The following CDC7 variants were observed in gnomAD, a reference collection of about 807,000 sequenced individuals.
CDC7 encodes the protein cell division cycle 7, also known as cell division cycle 7-related protein kinase.
In CDC7, 34 loss-of-function variants were observed where a neutral mutation model predicts 53.5. The ratio of observed to expected loss-of-function variants is 0.64; its 90% CI spans 0.48 to 0.85. CDC7 has a LOEUF of 0.85. Among genes scored for constraint, CDC7 ranks in the 40% least tolerant of loss-of-function variants. The probability of loss-of-function intolerance (pLI) is 0.00; values close to 1 mark genes in which losing one functional copy is unlikely to be tolerated. For missense variants in CDC7, 594 were observed against 679.7 expected, an observed-to-expected ratio of 0.87 and a Z score of 1.40; for synonymous variants, 211 against 222.8, an observed-to-expected ratio of 0.95 and a Z score of 0.47.
At chr1:91,506,743 A>T (rs903587686) in intron 2 of CDC7, among the ~76,000 whole-genome samples, 1 of 152,148 alleles carries the variant, frequency 6.6e-6, no homozygotes, top group Non-Finnish European at 1.5e-5. Context: ...TGAGGTCAGG[A>T]GTTCAAGACC....
Position 91,511,683 on chromosome 1 carries a change from C to A in CDC7, c.422C>A (p.Ser141Ter), listed in dbSNP as rs747885913. The A allele has an allele frequency of 1.2e-6, 2 of 1,606,454 alleles. No individual in the cohort carries two copies. Among genetic ancestry groups the A allele is most frequent in the South Asian group, 2.2e-5 (2 of 90,126 alleles). The change falls in exon 5 of 12, where the codon TCG (serine) becomes TAG (stop). Residue 141 changes from serine to a stop codon, truncating the protein, a stop_gained. Transcript: ENST00000234626. LOFTEE classifies it high-confidence loss of function. ...VIAMPYLEHE[S>*]FLDILNSLSF... ...GCTATGCCATATCTGGAGCATGAGT[C>A]GTTTTTGGTAGGTTTTAATATTTCT...
At chr1:91,509,004 A>G (rs1043232258) in intron 4 of CDC7, among the ~76,000 whole-genome samples, 5 of 152,150 alleles carry the variant, frequency 3.3e-5, no homozygotes, top group African/African-American at 7.2e-5. Context: ...TATAGAGTCA[A>G]TCATTACTCT....
chr1:91,514,747 T>C lies in CDC7; in HGVS notation c.919-72T>C, dbSNP rs968906173. 40 of 1,193,048 alleles carry C rather than the reference T, an allele frequency of 3.4e-5. No individual in the cohort carries two copies. The African/African-American group carries it at 6.1e-4, about 18-fold the overall frequency. The allele number at this position is 1,193,048 out of a possible 1,614,324, so 73.9% of individuals were successfully genotyped here. A position where few individuals can be genotyped will look rare whatever the true frequency, so the allele number is the denominator to read the frequency against. On this transcript the variant is annotated intron_variant, in intron 8 of 11. Transcript: ENST00000234626. ...AAAGTTATGCTTCCGCTATTGCTTT[T>C]TGCCATACTAGCATTTTAGGACATC... is the stretch of plus-strand genomic sequence containing the variant.
At chr1:91,512,910 A>ATTTTTTTTTTTTTTTTTTTTTTTTTTTTT in intron 6 of CDC7, 148 bp from the exon 7 acceptor site, 1 of 686,184 alleles carries the variant, frequency 1.5e-6, no homozygotes. Context: ...TGGAAAACTT[A>ATTTTTTTTTTTTTTTTTTTTTTTTTTTTT]TTTTTTTTTC....
intron 6 of CDC7, among the ~76,000 whole-genome samples, chr1:91,512,830 AAAAGAAAATTTGATTGTGGG>A (rs1667352559): frequency 6.6e-6 from 1 of 152,184 alleles, no homozygotes; most frequent in Non-Finnish European, 1.5e-5. Flanking sequence ...GACCACTGGA[AAAAGAAAATTTGATTGTGGG>A]ACAACTCTTA....
At chr1:91,516,720 C>G (rs2102381414) in intron 10 of CDC7, among the ~76,000 whole-genome samples, 1 of 152,248 alleles carries the variant, frequency 6.6e-6, no homozygotes, top group Non-Finnish European at 1.5e-5. Context: ...GAGAAGTTAG[C>G]ATAGAGGCAT....
At chr1:91,523,498 TAGCAAAAGTAATAGTAGAACTCTC>T (rs1459488252) in intron 11 of CDC7, among the ~76,000 whole-genome samples, 1 of 152,108 alleles carries the variant, frequency 6.6e-6, no homozygotes, top group East Asian at 1.9e-4. Context: ...ATATATAGGA[TAGCAAAAGTAATAGTAGAACTCTC>T]AAGATACAGT....
rs751764174 is a variant in CDC7 at position 91,524,114 on chromosome 1, G to A, written c.1404G>A (p.Met468Ile). Residue 468 changes from methionine (M) to isoleucine (I), a missense_variant, in exon 12 of 12, where the codon ATG becomes ATA. Transcript: ENST00000234626. ...LRKLCERLRG[M>I]DSSTPKLTSD... ...AACTCTGTGAGAGACTCAGGGGTATGGATTCTAGCACTCCCAAGTTAACAA... is the reference window on the plus strand; with the variant it reads ...AACTCTGTGAGAGACTCAGGGGTATAGATTCTAGCACTCCCAAGTTAACAA... 3 of 1,613,682 alleles carry A rather than the reference G, an allele frequency of 1.9e-6. No individual in the cohort carries two copies. The African/African-American group carries it at 4.0e-5, about 22-fold the overall frequency.
At chr1:91,519,410 C>T (rs1667790133) in intron 10 of CDC7, among the ~76,000 whole-genome samples, 1 of 151,998 alleles carries the variant, frequency 6.6e-6, no homozygotes, top group Admixed American at 6.5e-5. Context: ...GTCTGGGCCA[C>T]AGAGGGAGAC....
intron 10 of CDC7, among the ~76,000 whole-genome samples, chr1:91,519,775 C>T (rs566918192): frequency 2.6e-5 from 4 of 152,278 alleles, no homozygotes; most frequent in East Asian, 3.9e-4. Flanking sequence ...GATTTTTTCC[C>T]ACATAGCTAT....
chr1:91,516,630 A>G (rs930434408), intron 10 of CDC7, among the ~76,000 whole-genome samples: 9 of 152,226 alleles, frequency 5.9e-5, no homozygotes, highest in African/African-American at 1.9e-4. Context: ...GTATTTAAGG[A>G]GTATCTAACT....
intron 10 of CDC7, among the ~76,000 whole-genome samples, chr1:91,517,744 C>A (rs1667641309): frequency 6.6e-6 from 1 of 152,048 alleles, no homozygotes. Flanking sequence ...GAATATCCGT[C>A]AGCACTTAAG....
chr1:91,523,698 G>A (rs140655484), intron 11 of CDC7, among the ~76,000 whole-genome samples: 21 of 152,280 alleles, frequency 1.4e-4, no homozygotes, highest in Middle Eastern at 3.4e-3. Flanking sequence ...TGGAAAGGAA[G>A]TAGAGTGGGG....
At chr1:91,513,908 G>A (rs1189032765) in intron 7 of CDC7, 40 bp from the exon 8 acceptor site, 2 of 1,402,936 alleles carry the variant, frequency 1.4e-6, no homozygotes, top group East Asian at 2.3e-5. Flanking sequence ...AAGTGTTACA[G>A]ATATAATCCT....
At chr1:91,513,404 T>G in intron 7 of CDC7, 97 bp downstream of exon 7, 1 of 1,125,640 alleles carries the variant, frequency 8.9e-7, no homozygotes, top group South Asian at 1.8e-5. Context: ...GTACTTATAA[T>G]TTAAAAAACT....
chr1:91,514,890 A>G lies in CDC7; in HGVS notation c.990A>G (p.Thr330=), dbSNP rs483532. ...CAACAAAAAAGAAGGCTATTTCTAC[A>G]AAAGTTATGAATAGTGCTGTGATGA... is the stretch of plus-strand genomic sequence containing the variant. ...KLATKKKAIS[T]KVMNSAVMRK... is the part of the protein sequence containing the mutation. Residue 330 remains threonine, a synonymous_variant, in exon 9 of 12, where the codon ACA becomes ACG. Transcript: ENST00000234626. 0.78 allele frequency: 1,255,359 copies of G among 1,612,694 alleles called. 489,318 individuals carry two copies. The highest frequency in any genetic ancestry group is 0.82 in the Admixed American group (48,835 of 59,914).
At chr1:91,523,910 G>A in intron 11 of CDC7, 131 bp from the exon 12 acceptor site, 1 of 622,832 alleles carries the variant, frequency 1.6e-6, no homozygotes, top group East Asian at 2.7e-5. Context: ...GTGTGTGTGT[G>A]TGTGTGTGTG....
At chr1:91,513,448 T>A (rs955422815) in intron 7 of CDC7, 141 bp downstream of exon 7, 2 of 617,372 alleles carry the variant, frequency 3.2e-6, no homozygotes, top group Non-Finnish European at 2.7e-6. Flanking sequence ...TTCATTTGAT[T>A]AAATTTTCAC....
Position 91,515,807 on chromosome 1 carries a change from G to A in CDC7, c.1111G>A (p.Ala371Thr). Residue 371 changes from alanine to threonine, a missense_variant, in exon 10 of 12, where the codon GCC becomes ACC. Transcript: ENST00000234626. ...SICLSRRQQV[A>T]PRAGTPGFRA... is the part of the protein sequence containing the mutation. ...TTTCATCATAAGGCGTCAGCAGGTT[G>A]CCCCTAGGGCAGGTACACCAGGATT... 6.2e-7 allele frequency: 1 copy of A among 1,613,680 alleles called. No homozygotes were observed. Among genetic ancestry groups the A allele is most frequent in the Non-Finnish European group, 8.5e-7 (1 of 1,179,796 alleles).
Sources: allele counts gnomAD v4.1 joint callset (sites outside exome capture counted in the v4.1 genomes callset), GRCh38; gene constraint gnomAD v4.1.1; transcripts MANE v1.5; gene names NCBI Gene and HGNC (gene_info 2026-07-23, HGNC 2026-07-21).